WDR88: variants seen among roughly 807,000 people sequenced by gnomAD.
The protein encoded by WDR88 is WD repeat domain 88.
WDR88 carries 40 observed loss-of-function variants against 46.8 expected under a neutral mutation model. The ratio of observed to expected loss-of-function variants is 0.86; its 90% CI spans 0.66 to 1.11. The LOEUF (loss-of-function observed/expected upper bound fraction) is 1.11, where lower values mean the gene tolerates loss of function less well. WDR88 is among the 50% of genes most tolerant of loss of function. The probability of loss-of-function intolerance (pLI) is 0.00; values close to 1 mark genes in which losing one functional copy is unlikely to be tolerated. For synonymous variants in WDR88, 235 were observed against 240.7 expected (o/e 0.98, Z 0.22); for missense variants, 562 against 602.4 (o/e 0.93, Z 0.70).
At chr19:33,158,941 C>A (rs1026142188) in intron 7 of WDR88, among the ~76,000 whole-genome samples, 1 of 152,092 alleles carries the variant, frequency 6.6e-6, no homozygotes, top group African/African-American at 2.4e-5. Flanking sequence ...CTCATGTGAT[C>A]TGCCTGCCTC....
chr19:33,142,849 T>TAA (rs1973426498), intron 2 of WDR88: 1 of 1,354 alleles, frequency 7.4e-4, no homozygotes, highest in Admixed American at 8.3e-3. Flanking sequence ...CTACTAAAAA[T>TAA]ACAAAAAAAA....
intron 3 of WDR88, among the ~76,000 whole-genome samples, chr19:33,147,351 C>T (rs1322645695): frequency 6.6e-6 from 1 of 152,122 alleles, no homozygotes; most frequent in Admixed American, 6.5e-5. Flanking sequence ...GCCTATAATA[C>T]TAGCACTTTG....
At chr19:33,171,020 C>T (rs975781390) in intron 9 of WDR88, among the ~76,000 whole-genome samples, 1 of 152,106 alleles carries the variant, frequency 6.6e-6, no homozygotes, top group Non-Finnish European at 1.5e-5. Flanking sequence ...GAGTCTCGCT[C>T]TGTCACCCAG....
chr19:33,138,744 C>T (rs556639248), intron 2 of WDR88, among the ~76,000 whole-genome samples: 3 of 145,706 alleles, frequency 2.1e-5, no homozygotes, highest in African/African-American at 5.2e-5. Context: ...AGTATAGTGC[C>T]ACGATCTCGG....
At chr19:33,157,188 C>T (rs61226378) in intron 7 of WDR88, among the ~76,000 whole-genome samples, 6,220 of 150,316 alleles carry the variant, frequency 0.041, 414 homozygotes, top group African/African-American at 0.14. Context: ...CAGAGTGAGA[C>T]CCTGTGTCTA....
At chr19:33,156,597 T>G in intron 7 of WDR88, 55 bp downstream of exon 7, 1 of 1,541,982 alleles carries the variant, frequency 6.5e-7, no homozygotes, top group Admixed American at 2.0e-5. Flanking sequence ...TGGGCAGAGT[T>G]CTCCATGTTC....
chr19:33,174,491 G>A, intron 10 of WDR88: 2 of 985,460 alleles, frequency 2.0e-6, no homozygotes, highest in Non-Finnish European at 2.4e-6. Context: ...ACTCTTGCTT[G>A]TTAGTGGGAA....
chr19:33,140,930 C>G (rs1459211279), intron 2 of WDR88, among the ~76,000 whole-genome samples: 1 of 142,404 alleles, frequency 7.0e-6, no homozygotes, highest in African/African-American at 2.7e-5. Context: ...AACTACCAAA[C>G]TTACATTTTT....
intron 4 of WDR88, among the ~76,000 whole-genome samples, chr19:33,148,302 C>G (rs1973561129): frequency 6.6e-6 from 1 of 152,188 alleles, no homozygotes; most frequent in African/African-American, 2.4e-5. Flanking sequence ...CCTCTCAGCT[C>G]CTGCAGGCCT....
chr19:33,175,206 G>A (rs1974102369), intron 10 of WDR88, among the ~76,000 whole-genome samples, 190 bp from the exon 11 acceptor site: 1 of 152,018 alleles, frequency 6.6e-6, no homozygotes, highest in South Asian at 2.1e-4. Flanking sequence ...CTGCACTCCA[G>A]CCTGGGCAAC....
intron 7 of WDR88, among the ~76,000 whole-genome samples, chr19:33,157,510 TA>T (rs1356768105): frequency 1.0e-5 from 1 of 100,408 alleles, no homozygotes; most frequent in East Asian, 3.8e-4. Flanking sequence ...TATATATATA[TA>T]TGTATATATA....
Position 33,172,325 on chromosome 19 carries a change from C to A in WDR88, c.1150-23C>A, listed in dbSNP as rs376370070. 477 of 1,591,316 alleles carry A rather than the reference C, an allele frequency of 3.0e-4. 3 individuals are homozygous for A. The Admixed American group carries it at 4.1e-3, about 14-fold the overall frequency. ...GATGTACCACAGCCTGTTTTGTGAC[C>A]GCTGGTTTGCTATTTGTTTTAGGAT... On this transcript the variant is annotated intron_variant, in intron 9 of 10. Coordinates refer to ENST00000355868, the MANE Select transcript of WDR88 (RefSeq NM_173479.4).
chr19:33,167,781 C>G (rs909725734), intron 9 of WDR88, among the ~76,000 whole-genome samples: 1 of 151,396 alleles, frequency 6.6e-6, no homozygotes, highest in Non-Finnish European at 1.5e-5. Context: ...CTCCTCTCTC[C>G]TCTCTCTTTC....
At chr19:33,157,882 T>C (rs1344729161) in intron 7 of WDR88, among the ~76,000 whole-genome samples, 2 of 151,470 alleles carry the variant, frequency 1.3e-5, no homozygotes, top group Non-Finnish European at 2.9e-5. Flanking sequence ...GGGACACATG[T>C]CCATCTCTTA....
chr19:33,174,746 G>A (rs576769576), intron 10 of WDR88: 11 of 985,384 alleles, frequency 1.1e-5, no homozygotes, highest in African/African-American at 8.7e-5. Context: ...TGGATGGGGC[G>A]GGACACTCAC....
rs757478322 is a variant in WDR88 at position 33,175,486 on chromosome 19, A to C, written c.1333A>C (p.Arg445=). 18 of 1,614,228 alleles carry C rather than the reference A, an allele frequency of 1.1e-5. No homozygotes were observed. The South Asian group carries it at 2.0e-4, about 18-fold the overall frequency. ...ATGCGTGTTCTGCCGGATAGATACA[A>C]GGGGCTTGCCAGCAGATACTTCATC... ...TQCVFCRIDT[R]GLPADTSSSS... The change falls in exon 11 of 11, where the codon AGG becomes CGG. Residue 445 remains arginine, a synonymous_variant. Coordinates refer to ENST00000355868, the MANE Select transcript of WDR88 (RefSeq NM_173479.4).
At chr19:33,159,378 A>C (rs557170832) in intron 7 of WDR88, among the ~76,000 whole-genome samples, 20 of 144,110 alleles carry the variant, frequency 1.4e-4, no homozygotes, top group South Asian at 1.1e-3. Context: ...AAATAAATAA[A>C]TAAATAACAA....
intron 7 of WDR88, among the ~76,000 whole-genome samples, chr19:33,156,791 C>T (rs111437662): frequency 1.3e-5 from 2 of 152,318 alleles, no homozygotes; most frequent in African/African-American, 4.8e-5. Context: ...AGTCCAAGAG[C>T]ACGTCTGACT....
At position 33,167,415 on chromosome 19, in the gene WDR88, C is replaced by T. The variant is rs114048163; in HGVS notation, c.1149+3150C>T. On this transcript the variant is annotated intron_variant, in intron 9 of 10. Transcript: ENST00000355868. ...AAAGCTAGGAATAAAGGGATAATTC[C>T]GCAACATGATAAAGAGTGTTTAGAA... 7.4e-3 allele frequency among the ~76,000 whole-genome samples: 1,122 copies of T among 151,712 alleles called. 9 individuals carry two copies. Among genetic ancestry groups the T allele is most frequent in the African/African-American group, 0.021 (888 of 41,378 alleles).
Sources: allele counts gnomAD v4.1 joint callset (sites outside exome capture counted in the v4.1 genomes callset), GRCh38; gene constraint gnomAD v4.1.1; transcripts MANE v1.5; gene names NCBI Gene and HGNC (gene_info 2026-07-23, HGNC 2026-07-21).